The following NUDT3 variants were observed in gnomAD, a reference collection of about 807,000 sequenced individuals.
NUDT3 encodes diphosphoinositol polyphosphate phosphohydrolase 1.
A neutral mutation model predicts 23.6 loss-of-function variants in NUDT3; 9 were observed. The ratio of observed to expected loss-of-function variants is 0.38; its 90% confidence interval spans 0.23 to 0.66. The LOEUF (loss-of-function observed/expected upper bound fraction) is 0.66. NUDT3 is among the 30% of genes least tolerant of loss of function. NUDT3 has a pLI of 0.52. For synonymous variants in NUDT3, 86 were observed against 82.6 expected, an observed-to-expected ratio of 1.04 and a Z score of -0.22; for missense variants, 172 against 218.5, an observed-to-expected ratio of 0.79 and a Z score of 1.34.
intron 4 of NUDT3, among the ~76,000 whole-genome samples, chr6:34,289,573 G>A (rs1298543947): frequency 6.6e-6 from 1 of 152,130 alleles, no homozygotes; most frequent in African/African-American, 2.4e-5. Flanking sequence ...CCCAAGGGGG[G>A]AAAAATCAAC....
chr6:34,309,300 T>C (rs1052911175), intron 2 of NUDT3, among the ~76,000 whole-genome samples: 1 of 152,148 alleles, frequency 6.6e-6, no homozygotes, highest in African/African-American at 2.4e-5. Flanking sequence ...AACACACTTC[T>C]AAATAACATA....
intron 2 of NUDT3, among the ~76,000 whole-genome samples, chr6:34,315,818 T>C (rs1200343605): frequency 1.3e-5 from 2 of 152,188 alleles, no homozygotes; most frequent in Non-Finnish European, 2.9e-5. Context: ...TTCTCAAGTT[T>C]AAGGATTTTC....
chr6:34,345,562 C>T (rs1043471942), intron 1 of NUDT3, among the ~76,000 whole-genome samples: 1 of 147,780 alleles, frequency 6.8e-6, no homozygotes, highest in Non-Finnish European at 1.5e-5. Flanking sequence ...ACTCAGGAGG[C>T]TGAGGCAGGA....
intron 1 of NUDT3, among the ~76,000 whole-genome samples, chr6:34,387,052 G>T (rs1402467693): frequency 2.6e-5 from 4 of 152,222 alleles, no homozygotes; most frequent in Non-Finnish European, 5.9e-5. Context: ...CAAGGCTGCA[G>T]TGAGCTGTGA....
chr6:34,353,549 G>A (rs752322555), intron 1 of NUDT3, among the ~76,000 whole-genome samples: 2 of 151,366 alleles, frequency 1.3e-5, no homozygotes, highest in Non-Finnish European at 2.9e-5. Flanking sequence ...TTAAAGGTGC[G>A]TGCCATCACA....
At chr6:34,385,386 G>A (rs1343373909) in intron 1 of NUDT3, among the ~76,000 whole-genome samples, 4 of 152,112 alleles carry the variant, frequency 2.6e-5, no homozygotes, top group Non-Finnish European at 5.9e-5. Context: ...TCGGGAGTTC[G>A]AGACCATATT....
chr6:34,313,732 G>T (rs891324746), intron 2 of NUDT3, among the ~76,000 whole-genome samples: 2 of 152,076 alleles, frequency 1.3e-5, no homozygotes, highest in Admixed American at 1.3e-4. Context: ...GGAGGCTGAG[G>T]CGGGCAGATC....
intron 1 of NUDT3, among the ~76,000 whole-genome samples, chr6:34,389,083 C>T (rs1278096638): frequency 6.6e-5 from 10 of 151,952 alleles, no homozygotes; most frequent in Non-Finnish European, 1.5e-4. Context: ...GCCTGGGCAA[C>T]AAAGGGAGAC....
At chr6:34,324,081 G>A (rs1264144891) in intron 2 of NUDT3, among the ~76,000 whole-genome samples, 3 of 152,156 alleles carry the variant, frequency 2.0e-5, no homozygotes, top group Non-Finnish European at 2.9e-5. Context: ...TGGGCTGGGC[G>A]TGGTGGTTCA....
At chr6:34,390,522 A>G (rs1392367031) in intron 1 of NUDT3, among the ~76,000 whole-genome samples, 1 of 151,972 alleles carries the variant, frequency 6.6e-6, no homozygotes, top group African/African-American at 2.4e-5. Flanking sequence ...TATTTCTAGT[A>G]TGATTTATTA....
intron 1 of NUDT3, among the ~76,000 whole-genome samples, chr6:34,364,577 T>C (rs761652450): frequency 1.3e-5 from 2 of 152,204 alleles, no homozygotes; most frequent in Admixed American, 6.5e-5. Context: ...ATCCTCTCCA[T>C]TCTTCACAAA....
chr6:34,288,506 A>G lies in NUDT3; in HGVS notation c.*247T>C. The G allele has an allele frequency of 2.2e-6, 1 of 451,278 alleles. No individual in the cohort carries two copies. Among genetic ancestry groups the G allele is most frequent in the Non-Finnish European group, 3.9e-6 (1 of 258,562 alleles). The allele number at this position is 451,278 out of a possible 1,614,324, so 28.0% of individuals were successfully genotyped here. A position where few individuals can be genotyped will look rare whatever the true frequency, so the allele number is the denominator to read the frequency against. ...GAGGACTGCAGGGGTGGGAAGAGGG[A>G]GGGACAGATCATGCACAAAAGTACT... On this transcript the variant is annotated 3_prime_UTR_variant, in exon 5 of 5. Coordinates refer to ENST00000607016, the MANE Select transcript of NUDT3 (RefSeq NM_006703.4).
intron 2 of NUDT3, among the ~76,000 whole-genome samples, chr6:34,306,462 C>T (rs1190352513): frequency 1.3e-5 from 2 of 152,160 alleles, no homozygotes; most frequent in African/African-American, 4.8e-5. Flanking sequence ...TTGCTGAAAC[C>T]ACTGTTAATT....
intron 1 of NUDT3, among the ~76,000 whole-genome samples, chr6:34,363,014 T>G (rs567779338): frequency 1.1e-4 from 17 of 152,186 alleles, no homozygotes; most frequent in African/African-American, 3.9e-4. Context: ...AAAGAGCTTT[T>G]GGTAGCTTCA....
At chr6:34,290,221 TTTTTC>T (rs1232274918) in intron 4 of NUDT3, among the ~76,000 whole-genome samples, 4 of 151,996 alleles carry the variant, frequency 2.6e-5, no homozygotes, top group Non-Finnish European at 5.9e-5. Flanking sequence ...TTCATGTTAT[TTTTTC>T]TTTTCTTTTT....
rs1399171321 is a variant in NUDT3 at position 34,284,371 on chromosome 6, A to G, written c.*4382T>C. Reference sequence around the variant, plus strand: ...GCCAACTCTCATTTCTCTTAAAGCAAAAATTCATTCCACTGTGATTTCTCC... The same window carrying G: ...GCCAACTCTCATTTCTCTTAAAGCAGAAATTCATTCCACTGTGATTTCTCC... On this transcript the variant is annotated 3_prime_UTR_variant, in exon 5 of 5. Coordinates refer to ENST00000607016, the MANE Select transcript of NUDT3 (RefSeq NM_006703.4). 1 of 152,162 alleles carries G rather than the reference A, an allele frequency of 6.6e-6. No homozygotes were observed. The highest frequency in any genetic ancestry group is 1.5e-5 in the Non-Finnish European group (1 of 68,026). The allele number at this position is 152,162 out of a possible 1,614,324, so 9.4% of individuals were successfully genotyped here. A position where few individuals can be genotyped will look rare whatever the true frequency, so the allele number is the denominator to read the frequency against.
At chr6:34,299,254 T>C (rs1581851091) in intron 2 of NUDT3, among the ~76,000 whole-genome samples, 1 of 152,172 alleles carries the variant, frequency 6.6e-6, no homozygotes, top group Non-Finnish European at 1.5e-5. Context: ...GATGCTGGTA[T>C]GGATCTGTCT....
chr6:34,349,552 A>T (rs1764434887), intron 1 of NUDT3, among the ~76,000 whole-genome samples: 1 of 150,564 alleles, frequency 6.6e-6, no homozygotes, highest in African/African-American at 2.5e-5. Flanking sequence ...TGGAGTTAAG[A>T]GGGAAACCGA....
At chr6:34,333,166 TA>T (rs979332585) in intron 2 of NUDT3, among the ~76,000 whole-genome samples, 1 of 152,052 alleles carries the variant, frequency 6.6e-6, no homozygotes, top group African/African-American at 2.4e-5. Context: ...CACAAGCAGC[TA>T]AAAAAAGGAA....
Sources: gnomAD v4.1 joint callset for allele counts (sites outside exome capture counted in the v4.1 genomes callset) on GRCh38, gnomAD v4.1.1 for gene constraint, MANE v1.5 for transcripts, NCBI Gene and HGNC (gene_info 2026-07-23, HGNC 2026-07-21) for gene names.